SEMA6D: variants seen among roughly 807,000 people sequenced by gnomAD.
The protein encoded by SEMA6D is semaphorin 6D, also known as semaphorin-6D.
A neutral mutation model predicts 106.6 loss-of-function variants in SEMA6D; 35 were observed. That is an observed-to-expected ratio of 0.33 (90% CI 0.25 to 0.44). SEMA6D has a LOEUF of 0.44. SEMA6D is among the 20% of genes least tolerant of loss of function. SEMA6D has a pLI of 1.00. For synonymous variants in SEMA6D, 499 were observed against 487.7 expected (o/e 1.02, Z -0.31); for missense variants, 1,185 against 1,345.9 (o/e 0.88, Z 1.87).
intron 1 of SEMA6D, among the ~76,000 whole-genome samples, chr15:47,195,073 C>T (rs2140996735): frequency 6.6e-6 from 1 of 152,264 alleles, no homozygotes; most frequent in Non-Finnish European, 1.5e-5. Context: ...ATTTCTCCTC[C>T]ATACAAATAT....
intron 3 of SEMA6D, among the ~76,000 whole-genome samples, chr15:47,571,563 A>G (rs533593074): frequency 6.6e-6 from 1 of 152,254 alleles, no homozygotes; most frequent in Non-Finnish European, 1.5e-5. Flanking sequence ...CAGGTTTAAG[A>G]AAGCAAAATA....
At chr15:47,495,905 A>G (rs1380205994) in intron 3 of SEMA6D, among the ~76,000 whole-genome samples, 1 of 152,044 alleles carries the variant, frequency 6.6e-6, no homozygotes, top group African/African-American at 2.4e-5. Flanking sequence ...TGTAGAGTTT[A>G]AAGATCTTCC....
At chr15:47,194,396 G>C (rs1373325123) in intron 1 of SEMA6D, among the ~76,000 whole-genome samples, 1 of 152,022 alleles carries the variant, frequency 6.6e-6, no homozygotes, top group Non-Finnish European at 1.5e-5. Context: ...AGTGGACTGG[G>C]GGACTCTAGA....
chr15:47,707,916 A>G (rs765803681), intron 4 of SEMA6D, among the ~76,000 whole-genome samples: 6 of 152,018 alleles, frequency 3.9e-5, no homozygotes, highest in Non-Finnish European at 8.8e-5. Flanking sequence ...ACTTTTCTTA[A>G]ATTTGGCCAG....
intron 1 of SEMA6D, among the ~76,000 whole-genome samples, chr15:47,262,839 C>CA (rs2034141047): frequency 6.6e-6 from 1 of 151,930 alleles, no homozygotes; most frequent in South Asian, 2.1e-4. Flanking sequence ...GGTATGGGTA[C>CA]AAAAACAGAC....
chr15:47,231,461 T>C (rs2032190820), intron 1 of SEMA6D, among the ~76,000 whole-genome samples: 1 of 151,954 alleles, frequency 6.6e-6, no homozygotes, highest in African/African-American at 2.4e-5. Flanking sequence ...CACGCCCCAT[T>C]TGATGTATGC....
In SEMA6D at chr15:47,772,726, C is replaced by A. The variant is rs1426952332; in HGVS notation, c.*941C>A. 2 of 152,112 alleles carry A rather than the reference C, an allele frequency of 1.3e-5. No homozygotes were observed. Among genetic ancestry groups the A allele is most frequent in the Non-Finnish European group, 2.9e-5 (2 of 67,982 alleles). The allele number at this position is 152,112 out of a possible 1,614,324, so 9.4% of individuals were successfully genotyped here. ...TATTCAGTAGTAAAATTTTCCTGTC[C>A]ACTGTGAATCAAAGCCTGAGTCACT... On this transcript the variant is annotated 3_prime_UTR_variant, in exon 19 of 19. Transcript: ENST00000536845.
chr15:47,238,302 G>A (rs2032684255), intron 1 of SEMA6D, among the ~76,000 whole-genome samples: 1 of 151,862 alleles, frequency 6.6e-6, no homozygotes, highest in Non-Finnish European at 1.5e-5. Context: ...AATTATCCAG[G>A]GCACACTAAA....
At chr15:47,247,563 C>T (rs1221122557) in intron 1 of SEMA6D, among the ~76,000 whole-genome samples, 1 of 152,158 alleles carries the variant, frequency 6.6e-6, no homozygotes, top group Non-Finnish European at 1.5e-5. Context: ...ATATTCACTT[C>T]AGCTGACAGT....
chr15:47,405,568 C>T (rs1053115571), intron 1 of SEMA6D, among the ~76,000 whole-genome samples: 33 of 152,158 alleles, frequency 2.2e-4, no homozygotes, highest in African/African-American at 7.7e-4. Context: ...TGAATCAGTG[C>T]CTCAGGGTCT....
intron 1 of SEMA6D, among the ~76,000 whole-genome samples, chr15:47,271,260 C>T (rs2034551216): frequency 6.6e-6 from 1 of 152,038 alleles, no homozygotes; most frequent in South Asian, 2.1e-4. Context: ...AGAAACATTT[C>T]AAAGAAAAGG....
intron 2 of SEMA6D, among the ~76,000 whole-genome samples, chr15:47,437,669 G>A (rs2041762705): frequency 6.6e-6 from 1 of 152,006 alleles, no homozygotes. Flanking sequence ...CATTTTCTCT[G>A]ACTAAAGGAG....
At chr15:47,390,876 G>A (rs773421009) in intron 1 of SEMA6D, among the ~76,000 whole-genome samples, 19 of 151,888 alleles carry the variant, frequency 1.3e-4, no homozygotes, top group Non-Finnish European at 2.5e-4. Context: ...TGCAATTTTG[G>A]CTCCTATTTG....
chr15:47,733,102 C>G (rs753202853), intron 1 of SEMA6D, among the ~76,000 whole-genome samples: 1 of 152,186 alleles, frequency 6.6e-6, no homozygotes, highest in Non-Finnish European at 1.5e-5. Context: ...CTCATTAACC[C>G]TTAAAGCTCT....
intron 1 of SEMA6D, among the ~76,000 whole-genome samples, chr15:47,211,087 A>G (rs868782858): frequency 6.6e-6 from 1 of 152,178 alleles, no homozygotes; most frequent in Non-Finnish European, 1.5e-5. Context: ...GGTAACTGCT[A>G]CTAACAGTTT....
intron 3 of SEMA6D, among the ~76,000 whole-genome samples, chr15:47,591,796 T>C (rs1596382811): frequency 6.6e-6 from 1 of 152,022 alleles, no homozygotes; most frequent in Non-Finnish European, 1.5e-5. Flanking sequence ...GTTGAGAGAA[T>C]TTTCATATAC....
At chr15:47,546,857 A>G (rs1368276615) in intron 3 of SEMA6D, among the ~76,000 whole-genome samples, 2 of 152,008 alleles carry the variant, frequency 1.3e-5, no homozygotes, top group Admixed American at 1.3e-4. Context: ...TTGTATCCCC[A>G]TTGCAAAGCT....
intron 3 of SEMA6D, among the ~76,000 whole-genome samples, chr15:47,574,196 A>T (rs1428428160): frequency 1.3e-5 from 2 of 152,210 alleles, no homozygotes; most frequent in Non-Finnish European, 2.9e-5. Context: ...GGACCTGTAA[A>T]GTTGGTCTGC....
chr15:47,361,514 T>G (rs1443823453), intron 1 of SEMA6D, among the ~76,000 whole-genome samples: 1 of 152,210 alleles, frequency 6.6e-6, no homozygotes, highest in Non-Finnish European at 1.5e-5. Flanking sequence ...GTAGAAAGTC[T>G]CTTACTGCCT....
Sources: allele counts gnomAD v4.1 joint callset (sites outside exome capture counted in the v4.1 genomes callset), GRCh38; gene constraint gnomAD v4.1.1; transcripts MANE v1.5; gene names NCBI Gene and HGNC (gene_info 2026-07-23, HGNC 2026-07-21).